RORA: variants seen among roughly 807,000 people sequenced by gnomAD.
The protein encoded by RORA is RAR related orphan receptor A, also known as nuclear receptor ROR-alpha.
RORA carries 7 observed loss-of-function variants against 69.5 expected under a neutral mutation model. The observed-to-expected ratio is 0.10, with a 90% CI of 0.06 to 0.19. RORA has a LOEUF of 0.19. Ranked by LOEUF, RORA falls within the 10% of genes least tolerant of loss-of-function variation. The pLI is 1.00. For synonymous variants in RORA, 261 were observed against 240.8 expected, an observed-to-expected ratio of 1.08 and a Z score of -0.78; for missense variants, 457 against 663.0, an observed-to-expected ratio of 0.69 and a Z score of 3.41.
intron 1 of RORA, among the ~76,000 whole-genome samples, chr15:60,822,176 C>G (rs2072901339): frequency 6.6e-6 from 1 of 152,300 alleles, no homozygotes; most frequent in African/African-American, 2.4e-5. Flanking sequence ...ACTCTTACTT[C>G]CACAACTGAA....
chr15:61,111,793 A>AT (rs886830385), intron 1 of RORA, among the ~76,000 whole-genome samples: 3 of 152,270 alleles, frequency 2.0e-5, no homozygotes, highest in African/African-American at 7.2e-5. Context: ...AAAGGCAAAG[A>AT]TAAAAAAATT....
intron 3 of RORA, among the ~76,000 whole-genome samples, chr15:60,515,087 G>A (rs149824117): frequency 6.6e-6 from 1 of 152,228 alleles, no homozygotes; most frequent in Non-Finnish European, 1.5e-5. Flanking sequence ...GATACAAAAG[G>A]ACTTACCTTT....
At chr15:60,868,473 A>T (rs1473925474) in intron 1 of RORA, among the ~76,000 whole-genome samples, 1 of 152,174 alleles carries the variant, frequency 6.6e-6, no homozygotes, top group Non-Finnish European at 1.5e-5. Context: ...TTATTAGCTT[A>T]AGTACACTTC....
chr15:60,646,382 C>T (rs1423347699), intron 2 of RORA, among the ~76,000 whole-genome samples: 1 of 152,176 alleles, frequency 6.6e-6, no homozygotes. Flanking sequence ...TATATTTCTC[C>T]AGATATCTCT....
At chr15:60,882,971 A>C (rs1012057226) in intron 1 of RORA, among the ~76,000 whole-genome samples, 1 of 151,944 alleles carries the variant, frequency 6.6e-6, no homozygotes, top group African/African-American at 2.4e-5. Flanking sequence ...TCTCTACTAA[A>C]AATACAAAAA....
intron 1 of RORA, among the ~76,000 whole-genome samples, chr15:61,154,834 C>T (rs933391070): frequency 5.9e-5 from 9 of 152,182 alleles, no homozygotes; most frequent in Non-Finnish European, 1.0e-4. Flanking sequence ...CTGACACCGT[C>T]GGCTGGCTCA....
At chr15:60,866,940 A>G (rs2073496390) in intron 1 of RORA, among the ~76,000 whole-genome samples, 2 of 152,004 alleles carry the variant, frequency 1.3e-5, no homozygotes, top group South Asian at 4.1e-4. Flanking sequence ...ATCTTGGCTC[A>G]CTGTAACCAC....
intron 2 of RORA, among the ~76,000 whole-genome samples, chr15:60,574,394 T>C (rs1404511692): frequency 6.6e-6 from 1 of 151,946 alleles, no homozygotes; most frequent in African/African-American, 2.4e-5. Flanking sequence ...ATTAGAAGCC[T>C]CTTATGTTAT....
intron 1 of RORA, among the ~76,000 whole-genome samples, chr15:61,019,581 T>A (rs927294755): frequency 6.6e-6 from 1 of 152,090 alleles, no homozygotes; most frequent in Non-Finnish European, 1.5e-5. Flanking sequence ...AGAGGTGGGG[T>A]TGTTCTGGGC....
chr15:60,887,575 G>T (rs1431132718), intron 1 of RORA, among the ~76,000 whole-genome samples: 1 of 152,200 alleles, frequency 6.6e-6, no homozygotes, highest in East Asian at 1.9e-4. Context: ...ATCTTTTCAT[G>T]CATGTTGGAT....
chr15:61,126,727 G>A (rs2079145449), intron 1 of RORA, among the ~76,000 whole-genome samples: 1 of 152,100 alleles, frequency 6.6e-6, no homozygotes, highest in African/African-American at 2.4e-5. Flanking sequence ...TTACAGAAGA[G>A]AAAATGGAAA....
At chr15:61,043,884 C>T (rs184149795) in intron 1 of RORA, among the ~76,000 whole-genome samples, 2 of 152,086 alleles carry the variant, frequency 1.3e-5, no homozygotes, top group African/African-American at 2.4e-5. Flanking sequence ...GCTCTTGTGT[C>T]CAGATTATCC....
intron 1 of RORA, among the ~76,000 whole-genome samples, chr15:61,188,500 G>C (rs1266501546): frequency 1.3e-5 from 2 of 152,128 alleles, no homozygotes; most frequent in Non-Finnish European, 2.9e-5. Context: ...AATTCTAATG[G>C]AAAACGTGCA....
At chr15:60,965,913 G>A (rs930751455) in intron 1 of RORA, among the ~76,000 whole-genome samples, 3 of 152,092 alleles carry the variant, frequency 2.0e-5, no homozygotes, top group African/African-American at 7.2e-5. Context: ...TAATATATAT[G>A]TATTAGTTTG....
chr15:60,883,149 AAAGAAAGAG>A (rs1450215410), intron 1 of RORA, among the ~76,000 whole-genome samples: 1,683 of 34,086 alleles, frequency 0.049, 25 homozygotes, highest in East Asian at 0.13. Context: ...AAAAAAAAAA[AAAGAAAGAG>A]AGAGAGAGAG....
intron 1 of RORA, among the ~76,000 whole-genome samples, chr15:60,780,601 A>C (rs1462102364): frequency 6.6e-6 from 1 of 152,258 alleles, no homozygotes; most frequent in Non-Finnish European, 1.5e-5. Context: ...ATGGACTCAA[A>C]AGAAACAATT....
In RORA at chr15:60,940,464, C is replaced by T. The variant is rs950978694; in HGVS notation, c.167-261778G>A. Reference sequence around the variant, plus strand: ...CTCTAGAAAAGGCAAAATACAGAGACAGAAAGCTGATCTGTGGAAGCCAGA... The same window carrying T: ...CTCTAGAAAAGGCAAAATACAGAGATAGAAAGCTGATCTGTGGAAGCCAGA... On this transcript the variant is annotated intron_variant, in intron 1 of 10. Transcript: ENST00000335670. Among the ~76,000 whole-genome samples, 4 of 152,036 alleles carry T rather than the reference C, an allele frequency of 2.6e-5. No homozygotes were observed. The East Asian group carries it at 5.8e-4, about 22-fold the overall frequency.
intron 2 of RORA, among the ~76,000 whole-genome samples, chr15:60,585,130 C>A (rs556006169): frequency 6.6e-6 from 1 of 152,078 alleles, no homozygotes; most frequent in Admixed American, 6.6e-5. Flanking sequence ...AACGTGCATT[C>A]TTATACCTCT....
intron 8 of RORA, 22 bp downstream of exon 8, chr15:60,502,738 A>C: frequency 7.0e-7 from 1 of 1,418,526 alleles, no homozygotes; most frequent in Non-Finnish European, 1.0e-6. Context: ...TTTGAAGAAA[A>C]GGCACCTTGA....
Sources: allele counts gnomAD v4.1 joint callset (sites outside exome capture counted in the v4.1 genomes callset), GRCh38; gene constraint gnomAD v4.1.1; transcripts MANE v1.5; gene names NCBI Gene and HGNC (gene_info 2026-07-23, HGNC 2026-07-21).